The following HECTD4 variants were observed in gnomAD, a reference collection of about 807,000 sequenced individuals.
HECTD4 encodes the protein HECT domain E3 ubiquitin protein ligase 4.
A neutral mutation model predicts 471.5 loss-of-function variants in HECTD4; 114 were observed. The ratio of observed to expected loss-of-function variants is 0.24; its 90% CI spans 0.21 to 0.28. HECTD4 has a LOEUF of 0.28. Among genes scored for constraint, HECTD4 ranks in the 10% least tolerant of loss-of-function variants. The pLI is 1.00. For synonymous variants in HECTD4, 2,012 were observed against 2,256.0 expected, an observed-to-expected ratio of 0.89 and a Z score of 3.07; for missense variants, 3,866 against 5,651.5, an observed-to-expected ratio of 0.68 and a Z score of 10.13.
chr12:112,208,353 G>T, intron 51 of HECTD4, 141 bp downstream of exon 51: 1 of 870,362 alleles, frequency 1.1e-6, no homozygotes, highest in Non-Finnish European at 1.7e-6. Context: ...TAAGGTCACT[G>T]TTCAAGCACA....
chr12:112,381,669 A>C lies in HECTD4; in HGVS notation c.177+283T>G, dbSNP rs2036892892. Among the ~76,000 whole-genome samples the C allele has an allele frequency of 6.6e-6, 1 of 152,070 alleles. No individual in the cohort carries two copies. The highest frequency in any genetic ancestry group is 1.5e-5 in the Non-Finnish European group (1 of 67,996). On this transcript the variant is annotated intron_variant, in intron 1 of 75. Coordinates refer to ENST00000682272, the MANE Select transcript of HECTD4 (RefSeq NM_001388303.1). This position sits in a 1 kb window ranked among gnomAD's most constrained non-coding sequence, Gnocchi z 4.1. ...TCCTCTGGGGCATGAAGGCCGAGCCAGGCGCTAGCCTAATAAAATGCCGGG... is the reference window on the plus strand; with the variant it reads ...TCCTCTGGGGCATGAAGGCCGAGCCCGGCGCTAGCCTAATAAAATGCCGGG...
chr12:112,195,794 G>A (rs1031925352), intron 55 of HECTD4, among the ~76,000 whole-genome samples: 5 of 152,140 alleles, frequency 3.3e-5, no homozygotes, highest in African/African-American at 1.2e-4. Flanking sequence ...AAATACCATC[G>A]TGGGCATTTT....
At position 112,162,413 on chromosome 12, in the gene HECTD4, A is replaced by G. The variant is rs2030723200; in HGVS notation, c.13231T>C (p.Tyr4411His). 1.9e-6 allele frequency: 3 copies of G among 1,613,928 alleles called. No individual in the cohort carries two copies. The highest frequency in any genetic ancestry group is 1.1e-5 in the South Asian group (1 of 91,088). ...CAGCCACTGAGGGGGTCTTCACGGT[A>G]GTGAATGGCACAACGAAGTTTCTCC... ...MLEKLRCAIH[Y>H]REDPLSG Residue 4411 changes from tyrosine (Y) to histidine (H), a missense_variant, in exon 76 of 76, where the codon TAC (tyrosine) becomes CAC (histidine). Transcript: ENST00000682272. The surrounding 1 kb of genome is among the most constrained non-coding windows in gnomAD (Gnocchi z 5.2).
chr12:112,331,141 G>A lies in HECTD4; in HGVS notation c.178-11399C>T, dbSNP rs931253263. 3.3e-5 allele frequency among the ~76,000 whole-genome samples: 5 copies of A among 152,174 alleles called. No individual in the cohort carries two copies. The East Asian group carries it at 7.7e-4, about 24-fold the overall frequency. The stretch of plus-strand genomic sequence containing the variant: ...GGCTGGAGTGCACTGGCATGATCTC[G>A]ACTCATGCAACTGCCGCCTCCCGGA... On this transcript the variant is annotated intron_variant, in intron 1 of 75. Transcript: ENST00000682272.
rs372235853 is a variant in HECTD4 at position 112,210,048 on chromosome 12, A to G, written c.7834T>C (p.Cys2612Arg). Residue 2612 changes from cysteine (C) to arginine (R), a missense_variant, in exon 50 of 76, where the codon TGC (cysteine) becomes CGC (arginine). Around this residue, in one of 16 missense-constraint regions of HECTD4, gnomAD observed 266 missense variants for 441.6 expected, o/e 0.60. Coordinates refer to ENST00000682272, the MANE Select transcript of HECTD4 (RefSeq NM_001388303.1). ...ASDPGTHGPP[C>R]RIAAVATAQQ... ...GCGGTGGCCACGGCAGCAATCCGGC[A>G]TGGTGGCCCATGAGTGCCTGGGTCT... 2.5e-6 allele frequency: 4 copies of G among 1,613,860 alleles called. No individual in the cohort carries two copies. In the African/African-American group the frequency reaches 4.0e-5, roughly 16 times the overall value.
rs774695592 is a variant in HECTD4, at chr12:112,239,868, T to G, written c.5105+13A>C. The G allele has an allele frequency of 1.1e-5, 18 of 1,607,426 alleles. No individual in the cohort carries two copies. Among genetic ancestry groups the G allele is most frequent in the Non-Finnish European group, 1.5e-5 (18 of 1,175,610 alleles). On this transcript the variant is annotated intron_variant, in intron 33 of 75. Transcript: ENST00000682272. The surrounding 1 kb of genome is among the most constrained non-coding windows in gnomAD (Gnocchi z 4.9). Reference sequence around the variant, plus strand: ...GGTAACTTACATACAACAAAAGGCCTTTCCGTACTTACCTGGTGTAAGGTA... The same window carrying G: ...GGTAACTTACATACAACAAAAGGCCGTTCCGTACTTACCTGGTGTAAGGTA...
intron 2 of HECTD4, among the ~76,000 whole-genome samples, chr12:112,316,219 C>T (rs1040407104): frequency 6.6e-6 from 1 of 152,090 alleles, no homozygotes; most frequent in African/African-American, 2.4e-5. Context: ...TTTTGTCACT[C>T]GCCACTCCAT....
intron 1 of HECTD4, among the ~76,000 whole-genome samples, chr12:112,336,353 C>T (rs1487920818): frequency 6.6e-6 from 1 of 151,994 alleles, no homozygotes; most frequent in African/African-American, 2.4e-5. Context: ...GAAACCCTGT[C>T]TCTACTAAAA....
At chr12:112,337,902 T>TTG (rs1456241635) in intron 1 of HECTD4, among the ~76,000 whole-genome samples, 1 of 152,168 alleles carries the variant, frequency 6.6e-6, no homozygotes, top group Non-Finnish European at 1.5e-5. Flanking sequence ...GAAATAGAAA[T>TTG]TGGTTCAAAA....
At chr12:112,306,791 T>C (rs1171510330) in intron 6 of HECTD4, among the ~76,000 whole-genome samples, 1 of 151,754 alleles carries the variant, frequency 6.6e-6, no homozygotes, top group African/African-American at 2.4e-5. Flanking sequence ...AGAAACAAAG[T>C]AAAAAATATA....
At chr12:112,210,510 AACACTGCTCCTCTCTACCTG>A (rs1052999660) in intron 49 of HECTD4, among the ~76,000 whole-genome samples, 9 of 152,084 alleles carry the variant, frequency 5.9e-5, no homozygotes, top group South Asian at 2.1e-4. Context: ...TCTTGTTTCC[AACACTGCTCCTCTCTACCTG>A]ACACTGCTCC....
chr12:112,314,073 C>T (rs1372827056), intron 3 of HECTD4, among the ~76,000 whole-genome samples: 1 of 152,002 alleles, frequency 6.6e-6, no homozygotes, highest in Non-Finnish European at 1.5e-5. Flanking sequence ...GAGTCTCGCC[C>T]TGTCACCTAG....
intron 70 of HECTD4, among the ~76,000 whole-genome samples, chr12:112,168,531 G>C (rs2031075693): frequency 6.6e-6 from 1 of 152,170 alleles, no homozygotes; most frequent in African/African-American, 2.4e-5. Context: ...TGAGGTCAGG[G>C]AGCTCTGAGC....
At chr12:112,192,519 A>T in intron 59 of HECTD4, 41 bp downstream of exon 59, 1 of 1,374,742 alleles carries the variant, frequency 7.3e-7, no homozygotes, top group Non-Finnish European at 9.8e-7. Context: ...GAGGAGAATG[A>T]CTCCAGCTGT....
chr12:112,301,762 T>C (rs1424176415), intron 7 of HECTD4: 3 of 500,954 alleles, frequency 6.0e-6, no homozygotes, highest in Admixed American at 3.2e-5. Flanking sequence ...GAGCAGTTGG[T>C]GCTTATGTGA....
chr12:112,370,678 CAAG>C (rs2036648926), intron 1 of HECTD4, among the ~76,000 whole-genome samples: 1 of 151,920 alleles, frequency 6.6e-6, no homozygotes, highest in Non-Finnish European at 1.5e-5. Flanking sequence ...TTAGCCAGGG[CAAG>C]AAGGACACAG....
At chr12:112,360,234 G>A (rs944331705) in intron 1 of HECTD4, among the ~76,000 whole-genome samples, 2 of 152,130 alleles carry the variant, frequency 1.3e-5, no homozygotes, top group South Asian at 2.1e-4. Context: ...CAGGAGGATC[G>A]CTTGAGGCCA....
At chr12:112,296,656 A>C (rs1404794130) in intron 7 of HECTD4, among the ~76,000 whole-genome samples, 3 of 147,524 alleles carry the variant, frequency 2.0e-5, no homozygotes, top group African/African-American at 7.6e-5. Flanking sequence ...CAGTGGATGT[A>C]GGTGCAGAGG....
chr12:112,230,962 A>G, intron 39 of HECTD4, 140 bp from the exon 40 acceptor site: 3 of 711,310 alleles, frequency 4.2e-6, no homozygotes, highest in Non-Finnish European at 6.8e-6. Flanking sequence ...AGAAAACAAG[A>G]AGCTACATTA....
Sources: allele counts gnomAD v4.1 joint callset (sites outside exome capture counted in the v4.1 genomes callset), GRCh38; gene constraint gnomAD v4.1.1; regional missense constraint gnomAD v4.1.1; non-coding constraint Gnocchi (gnomAD v3.1); transcripts MANE v1.5; gene names NCBI Gene and HGNC (gene_info 2026-07-23, HGNC 2026-07-21).